The following INPP5A variants were observed in gnomAD, a reference collection of about 807,000 sequenced individuals.
INPP5A encodes the protein inositol polyphosphate-5-phosphatase A, also known as 43 kDa inositol polyphosphate 5-phophatase.
Under a neutral mutation model 65.2 loss-of-function variants are expected in INPP5A, and 14 were observed. That is an observed-to-expected ratio of 0.21 (90% CI 0.14 to 0.34). The LOEUF is 0.34. Ranked by LOEUF, INPP5A falls within the 10% of genes least tolerant of loss-of-function variation. The pLI, the probability that INPP5A is intolerant of heterozygous loss-of-function variation, is 1.00. For missense variants in INPP5A, 431 were observed against 545.6 expected, an observed-to-expected ratio of 0.79 and a Z score of 2.09; for synonymous variants, 207 against 208.3, an observed-to-expected ratio of 0.99 and a Z score of 0.05.
chr10:132,702,044 C>T (rs961351960), intron 6 of INPP5A, among the ~76,000 whole-genome samples: 4 of 152,244 alleles, frequency 2.6e-5, no homozygotes, highest in Non-Finnish European at 2.9e-5. Context: ...CCTGCAGCCA[C>T]GGGCCGTGGA....
intron 9 of INPP5A, among the ~76,000 whole-genome samples, chr10:132,731,260 C>T (rs1846079853): frequency 6.6e-6 from 1 of 150,752 alleles, no homozygotes; most frequent in African/African-American, 2.4e-5. Flanking sequence ...AGGCACCCCT[C>T]CTGCGTATCA....
chr10:132,613,762 C>T (rs1407901880), intron 2 of INPP5A, among the ~76,000 whole-genome samples: 1 of 152,190 alleles, frequency 6.6e-6, no homozygotes, highest in East Asian at 1.9e-4. Context: ...AGTGAGTGGG[C>T]CTCGCCAGGG....
Position 132,550,025 on chromosome 10 carries a change from T to G in INPP5A, c.75+11854T>G, listed in dbSNP as rs1342571869. Among the ~76,000 whole-genome samples the G allele has an allele frequency of 7.9e-5, 3 of 37,976 alleles. No homozygotes were observed. Among genetic ancestry groups the G allele is most frequent in the Admixed American group, 2.7e-4 (1 of 3,672 alleles). 24.9% of individuals were successfully genotyped at this position (37,976 alleles called of 152,430 possible). On this transcript the variant is annotated intron_variant, in intron 1 of 15. Transcript: ENST00000368594. This position sits in a 1 kb window ranked among gnomAD's most constrained non-coding sequence, Gnocchi z 4.2. ...GGGGATGGGGTCAGCCTCGAGTTAC[T>G]AACCGGGCATTAGGGGATGGGGTCA...
At position 132,546,739 on chromosome 10, in the gene INPP5A, C is replaced by A. The variant is rs573825901; in HGVS notation, c.75+8568C>A. 6.6e-6 allele frequency among the ~76,000 whole-genome samples: 1 copy of A among 152,320 alleles called. No homozygotes were observed. Among genetic ancestry groups the A allele is most frequent in the South Asian group, 2.1e-4 (1 of 4,830 alleles). The stretch of plus-strand genomic sequence containing the variant: ...CCTGGGTGCACTGCATACCCCGGGC[C>A]CCCTGGGCTCTGGCCTGTCCCCTTG... On this transcript the variant is annotated intron_variant, in intron 1 of 15. Transcript: ENST00000368594. This position sits in a 1 kb window ranked among gnomAD's most constrained non-coding sequence, Gnocchi z 5.7.
intron 9 of INPP5A, among the ~76,000 whole-genome samples, chr10:132,728,291 T>A (rs1390426956): frequency 6.6e-6 from 1 of 152,248 alleles, no homozygotes; most frequent in Non-Finnish European, 1.5e-5. Context: ...GTCCTTTCCA[T>A]CCCGCTGCTG....
chr10:132,624,122 C>T (rs1590875108), intron 2 of INPP5A, among the ~76,000 whole-genome samples: 1 of 152,188 alleles, frequency 6.6e-6, no homozygotes, highest in African/African-American at 2.4e-5. Context: ...TAAAGTTGGA[C>T]GTGTGGCCAC....
At chr10:132,686,024 C>T (rs918154176) in intron 4 of INPP5A, among the ~76,000 whole-genome samples, 10 of 152,342 alleles carry the variant, frequency 6.6e-5, no homozygotes, top group African/African-American at 1.9e-4. Context: ...GCGCCCTGGT[C>T]GCCAGTTGGT....
chr10:132,652,889 CT>C (rs2072596309), intron 4 of INPP5A, among the ~76,000 whole-genome samples: 1 of 152,192 alleles, frequency 6.6e-6, no homozygotes. Flanking sequence ...ACGTGCGCCC[CT>C]AATATCAGAG....
chr10:132,624,391 C>T (rs1055822878), intron 2 of INPP5A, among the ~76,000 whole-genome samples: 6 of 152,208 alleles, frequency 3.9e-5, no homozygotes, highest in African/African-American at 1.4e-4. Flanking sequence ...ACCGGCATGC[C>T]CGTGCTTCAC....
chr10:132,596,575 C>T (rs1351759459), intron 1 of INPP5A, among the ~76,000 whole-genome samples: 4 of 152,050 alleles, frequency 2.6e-5, no homozygotes, highest in Admixed American at 2.6e-4. Context: ...TTACAGGCAC[C>T]CACCACCATG....
intron 4 of INPP5A, among the ~76,000 whole-genome samples, chr10:132,654,034 C>T (rs896694642): frequency 5.3e-5 from 8 of 152,286 alleles, no homozygotes; most frequent in Non-Finnish European, 1.0e-4. Flanking sequence ...GGCACCAGGG[C>T]GGCTGAACAG....
chr10:132,607,524 G>A (rs189650857), intron 1 of INPP5A, among the ~76,000 whole-genome samples: 116 of 152,380 alleles, frequency 7.6e-4, no homozygotes, highest in African/African-American at 2.8e-3. Context: ...CTCAGGCAGG[G>A]GCGGGTGTGG....
At position 132,768,960 on chromosome 10, in the gene INPP5A, C is replaced by T. The variant is rs564046281; in HGVS notation, c.977+3114C>T. Among the ~76,000 whole-genome samples, 37 of 152,320 alleles carry T rather than the reference C, an allele frequency of 2.4e-4. 1 individual carries two copies. The highest frequency in any genetic ancestry group is 6.7e-4 in the African/African-American group (28 of 41,574). On this transcript the variant is annotated intron_variant, in intron 12 of 15. Transcript: ENST00000368594. ...TCAGCATTGGTGGGCAGGACCCTCC[C>T]GCGGGCAGTAGACCCTCCATGGGGA...
In INPP5A at chr10:132,741,765, ACGT is replaced by A. The variant is rs1846276727; in HGVS notation, c.733-7750_733-7748del. Among the ~76,000 whole-genome samples the A allele has an allele frequency of 1.7e-5, 1 of 59,070 alleles. No individual in the cohort carries two copies. Among genetic ancestry groups the A allele is most frequent in the African/African-American group, 4.3e-5 (1 of 23,456 alleles). The allele number at this position is 59,070 out of a possible 152,430, so 38.8% of individuals were successfully genotyped here. On this transcript the variant is annotated intron_variant, in intron 9 of 15. Coordinates refer to ENST00000368594, the MANE Select transcript of INPP5A (RefSeq NM_005539.5). The surrounding 1 kb of genome is among the most constrained non-coding windows in gnomAD (Gnocchi z 4.4). ...CAATAGCCGACGTAAACTGAGGTGG[ACGT>A]CAGTGTCCGCGTCCGCTTGCTTTAC...
chr10:132,700,416 G>A (rs984706708), intron 6 of INPP5A, among the ~76,000 whole-genome samples: 55 of 152,234 alleles, frequency 3.6e-4, no homozygotes, highest in African/African-American at 1.2e-3. Flanking sequence ...ATCCTCCCGG[G>A]ACCCGTGTGT....
intron 2 of INPP5A, among the ~76,000 whole-genome samples, chr10:132,614,993 C>T (rs1028333950): frequency 2.0e-5 from 3 of 152,242 alleles, no homozygotes; most frequent in Non-Finnish European, 4.4e-5. Context: ...TTTGTTGCCG[C>T]AGCCTGAGTG....
intron 6 of INPP5A, among the ~76,000 whole-genome samples, chr10:132,702,898 C>A (rs999630977): frequency 5.9e-5 from 9 of 152,172 alleles, no homozygotes; most frequent in Admixed American, 2.0e-4. Context: ...CTTGTTTACA[C>A]AGGGGTGACT....
intron 4 of INPP5A, 40 bp from the exon 5 acceptor site, chr10:132,690,351 CA>C: frequency 8.1e-7 from 1 of 1,234,140 alleles, no homozygotes; most frequent in Non-Finnish European, 1.2e-6. Flanking sequence ...GAAATATTCC[CA>C]GCACCAGTCT....
At chr10:132,569,773 T>G (rs376067411) in intron 1 of INPP5A, among the ~76,000 whole-genome samples, 441 of 96,614 alleles carry the variant, frequency 4.6e-3, no homozygotes, top group South Asian at 0.011. Context: ...CAAAGTGCTG[T>G]GATTACAGGT....
Sources: gnomAD v4.1 joint callset for allele counts (sites outside exome capture counted in the v4.1 genomes callset) on GRCh38, gnomAD v4.1.1 for gene constraint, Gnocchi (gnomAD v3.1) non-coding constraint, MANE v1.5 for transcripts, NCBI Gene and HGNC (gene_info 2026-07-23, HGNC 2026-07-21) for gene names.